The following MAGI2 variants were observed in gnomAD, a reference collection of about 807,000 sequenced individuals.
MAGI2 encodes membrane associated guanylate kinase, WW and PDZ domain containing 2.
Under a neutral mutation model 133.3 loss-of-function variants are expected in MAGI2, and 35 were observed. The ratio of observed to expected loss-of-function variants is 0.26; its 90% CI spans 0.20 to 0.35. MAGI2 has a LOEUF of 0.35. MAGI2 is among the 10% of genes least tolerant of loss of function. MAGI2 has a pLI of 1.00. For synonymous variants in MAGI2, 729 were observed against 710.6 expected, an observed-to-expected ratio of 1.03 and a Z score of -0.41; for missense variants, 1,636 against 1,863.4, an observed-to-expected ratio of 0.88 and a Z score of 2.25.
intron 21 of MAGI2, among the ~76,000 whole-genome samples, chr7:78,065,049 A>T (rs923546287): frequency 2.6e-5 from 4 of 151,984 alleles, no homozygotes; most frequent in Non-Finnish European, 5.9e-5. Context: ...ATCACTGAGT[A>T]TGGAGGAAGG....
chr7:78,672,002 A>C (rs1457571870), intron 2 of MAGI2, among the ~76,000 whole-genome samples: 2 of 152,200 alleles, frequency 1.3e-5, no homozygotes, highest in Non-Finnish European at 2.9e-5. Context: ...AAGTGACTAA[A>C]GAGGCAAGTT....
chr7:79,298,183 AT>A (rs1172399968), intron 1 of MAGI2, among the ~76,000 whole-genome samples: 1 of 152,112 alleles, frequency 6.6e-6, no homozygotes, highest in Non-Finnish European at 1.5e-5. Context: ...TTACCTGTCA[AT>A]TTTTCTTCAA....
intron 1 of MAGI2, among the ~76,000 whole-genome samples, chr7:79,312,241 G>C (rs950956642): frequency 6.6e-6 from 1 of 152,164 alleles, no homozygotes; most frequent in African/African-American, 2.4e-5. Context: ...CAGGACACAA[G>C]TTAAGACAAG....
intron 2 of MAGI2, among the ~76,000 whole-genome samples, chr7:78,941,499 C>T (rs888513484): frequency 6.6e-6 from 1 of 151,978 alleles, no homozygotes; most frequent in Non-Finnish European, 1.5e-5. Context: ...ACAGGCCTGA[C>T]TAATTTTTGT....
At chr7:78,887,313 A>G (rs758400469) in intron 2 of MAGI2, among the ~76,000 whole-genome samples, 2 of 152,206 alleles carry the variant, frequency 1.3e-5, no homozygotes, top group Non-Finnish European at 2.9e-5. Flanking sequence ...TTTTATTCAT[A>G]GTTTAGGTCA....
At chr7:78,837,304 T>C (rs1431670538) in intron 2 of MAGI2, among the ~76,000 whole-genome samples, 1 of 152,200 alleles carries the variant, frequency 6.6e-6, no homozygotes, top group African/African-American at 2.4e-5. Context: ...TCTTTAAGCC[T>C]ATCCTACTCT....
At chr7:79,422,991 A>AT (rs1847084095) in intron 1 of MAGI2, among the ~76,000 whole-genome samples, 1 of 152,100 alleles carries the variant, frequency 6.6e-6, no homozygotes, top group South Asian at 2.1e-4. Context: ...CTCATGAAAC[A>AT]TAAGAATTAA....
intron 21 of MAGI2, among the ~76,000 whole-genome samples, chr7:78,030,459 G>A (rs1809447494): frequency 6.6e-6 from 1 of 152,136 alleles, no homozygotes; most frequent in African/African-American, 2.4e-5. Flanking sequence ...GTTTCACCAT[G>A]TTGGCCAGGA....
chr7:79,284,485 C>T (rs570481666), intron 1 of MAGI2, among the ~76,000 whole-genome samples: 1 of 152,180 alleles, frequency 6.6e-6, no homozygotes, highest in South Asian at 2.1e-4. Context: ...ATATGCTGGC[C>T]TCTTCCAATT....
chr7:78,996,130 C>T (rs923547215), intron 2 of MAGI2, among the ~76,000 whole-genome samples: 1 of 152,122 alleles, frequency 6.6e-6, no homozygotes, highest in African/African-American at 2.4e-5. Flanking sequence ...CATTCTCCCT[C>T]TGGGAACAAT....
chr7:79,073,199 A>G (rs550203283), intron 1 of MAGI2, among the ~76,000 whole-genome samples: 1 of 152,322 alleles, frequency 6.6e-6, no homozygotes, highest in East Asian at 1.9e-4. Flanking sequence ...CAAGAAAACT[A>G]GCTATTGGAG....
chr7:78,381,315 C>T (rs996302198), intron 6 of MAGI2, among the ~76,000 whole-genome samples: 1 of 151,816 alleles, frequency 6.6e-6, no homozygotes, highest in Admixed American at 6.6e-5. Context: ...CCACTGCACT[C>T]CAACCTGGGT....
intron 6 of MAGI2, among the ~76,000 whole-genome samples, chr7:78,439,269 T>A (rs1401554578): frequency 2.0e-5 from 3 of 152,192 alleles, no homozygotes; most frequent in Admixed American, 6.5e-5. Flanking sequence ...TATTGAGCAC[T>A]CAGGTTCTTT....
chr7:78,132,908 G>A lies in MAGI2; in HGVS notation c.3184C>T (p.Leu1062=), dbSNP rs1057247346. Residue 1062 remains leucine (L), a synonymous_variant, in exon 18 of 22, where the codon CTG becomes TTG. Transcript: ENST00000354212. The stretch of plus-strand genomic sequence containing the variant: ...TTTTACCTATTTTCGTGTCCTTGCA[G>A]CTGAAGTGGTTGAGGTGGTGCTGGC... ...AQPAPPQPLQ[L]QGHENSYRSE... 4 of 1,613,930 alleles carry A rather than the reference G, an allele frequency of 2.5e-6. No individual in the cohort carries two copies. In the African/African-American group the frequency reaches 5.3e-5, roughly 22 times the overall value.
At chr7:79,228,342 CAAAAAAACAGGCAAAAAA>C (rs1831041876) in intron 1 of MAGI2, among the ~76,000 whole-genome samples, 1 of 7,574 alleles carries the variant, frequency 1.3e-4, no homozygotes, top group African/African-American at 3.1e-4. Context: ...GACCCTGTCT[CAAAAAAACAGGCAAAAAA>C]AAAAAAAAAA....
At chr7:78,489,946 C>G (rs1793447336) in intron 5 of MAGI2, 106 bp from the exon 6 acceptor site, 2 of 770,548 alleles carry the variant, frequency 2.6e-6, no homozygotes, top group South Asian at 3.6e-5. Context: ...GCAATCGATA[C>G]ACTTAATTTG....
intron 20 of MAGI2, among the ~76,000 whole-genome samples, chr7:78,117,046 G>A (rs10808136): frequency 0.84 from 125,476 of 149,826 alleles, 52,906 homozygotes; most frequent in Non-Finnish European, 0.88. Context: ...ACTTTCACAT[G>A]AAGAAAACAT....
intron 21 of MAGI2, among the ~76,000 whole-genome samples, chr7:78,058,532 C>T (rs1232575880): frequency 6.7e-5 from 10 of 148,648 alleles, no homozygotes; most frequent in East Asian, 2.0e-4. Flanking sequence ...TGTGCAATGG[C>T]GTGATCTCGG....
At chr7:78,497,416 G>A (rs1412686404) in intron 5 of MAGI2, among the ~76,000 whole-genome samples, 2 of 152,124 alleles carry the variant, frequency 1.3e-5, no homozygotes. Context: ...TGAGTAGTGT[G>A]GGAAACATAG....
Sources: allele counts gnomAD v4.1 joint callset (sites outside exome capture counted in the v4.1 genomes callset), GRCh38; gene constraint gnomAD v4.1.1; transcripts MANE v1.5; gene names NCBI Gene and HGNC (gene_info 2026-07-23, HGNC 2026-07-21).